LRMDA: variants seen among roughly 807,000 people sequenced by gnomAD.
LRMDA encodes leucine rich melanocyte differentiation associated.
In LRMDA, 18 loss-of-function variants were observed where a neutral mutation model predicts 29.8. The observed-to-expected ratio is 0.60, with a 90% CI of 0.42 to 0.90. The LOEUF is 0.90. Ranked by LOEUF, LRMDA falls within the 40% of genes least tolerant of loss-of-function variation. The pLI, the probability that LRMDA is intolerant of heterozygous loss-of-function variation, is 0.00. For synonymous variants in LRMDA, 125 were observed against 109.4 expected (o/e 1.14, Z -0.89); for missense variants, 273 against 273.9 (o/e 1.00, Z 0.02).
intron 4 of LRMDA, among the ~76,000 whole-genome samples, chr10:76,055,721 C>T (rs548569902): frequency 6.6e-6 from 1 of 152,358 alleles, no homozygotes; most frequent in South Asian, 2.1e-4. Flanking sequence ...TAGACACTGG[C>T]ATGGGCACTA....
At chr10:76,272,876 A>C (rs748952933) in intron 5 of LRMDA, among the ~76,000 whole-genome samples, 3 of 151,958 alleles carry the variant, frequency 2.0e-5, no homozygotes, top group Non-Finnish European at 4.4e-5. Flanking sequence ...AAATCCATCA[A>C]CTCTTACGAG....
chr10:76,041,828 G>T (rs900306505), intron 3 of LRMDA, among the ~76,000 whole-genome samples: 2 of 152,134 alleles, frequency 1.3e-5, no homozygotes, highest in Non-Finnish European at 2.9e-5. Context: ...TAAGTACCCC[G>T]GAGAAGACTT....
At chr10:75,707,704 C>T (rs1390455445) in intron 2 of LRMDA, among the ~76,000 whole-genome samples, 1 of 152,158 alleles carries the variant, frequency 6.6e-6, no homozygotes, top group Non-Finnish European at 1.5e-5. Context: ...AATGGGAAGG[C>T]GGACAGGGCT....
intron 2 of LRMDA, among the ~76,000 whole-genome samples, chr10:75,681,266 C>A (rs1046606349): frequency 2.0e-5 from 3 of 152,182 alleles, no homozygotes; most frequent in African/African-American, 7.2e-5. Flanking sequence ...ATGTTTTGTA[C>A]CATAATCTCA....
intron 2 of LRMDA, among the ~76,000 whole-genome samples, chr10:75,696,513 G>A (rs544823654): frequency 2.0e-5 from 3 of 152,318 alleles, no homozygotes; most frequent in Non-Finnish European, 4.4e-5. Context: ...ATTCACAAAA[G>A]ATACTTATTA....
At position 76,135,770 on chromosome 10, in the gene LRMDA, TC is replaced by T. The variant is rs1188377599; in HGVS notation, c.516+76988del. On this transcript the variant is annotated intron_variant, in intron 5 of 6. Transcript: ENST00000611255. ...TCTGTCCTTGTGTTCAAATTTTCTT[TC>T]TTTTTTTTTTTTTTAAGGACATCAG... Among the ~76,000 whole-genome samples the T allele has an allele frequency of 2.0e-5, 3 of 146,904 alleles. No individual in the cohort carries two copies. The East Asian group carries it at 5.9e-4, about 29-fold the overall frequency.
At chr10:76,115,218 CAAG>C (rs974201799) in intron 5 of LRMDA, among the ~76,000 whole-genome samples, 2 of 152,154 alleles carry the variant, frequency 1.3e-5, no homozygotes, top group African/African-American at 4.8e-5. Context: ...TGATTAAACA[CAAG>C]AAAATACTCC....
At chr10:75,453,886 G>A (rs7912134) in intron 2 of LRMDA, among the ~76,000 whole-genome samples, 119,923 of 152,204 alleles carry the variant, frequency 0.79, 47,659 homozygotes, top group Middle Eastern at 0.86. Flanking sequence ...GTTAGCAAGA[G>A]AAAAGCATAG....
At chr10:75,589,414 A>C (rs968277145) in intron 2 of LRMDA, among the ~76,000 whole-genome samples, 3 of 152,210 alleles carry the variant, frequency 2.0e-5, no homozygotes, top group African/African-American at 7.2e-5. Context: ...TGTGAACTAC[A>C]TGATCATATC....
At chr10:76,322,192 C>T (rs993810891) in intron 5 of LRMDA, among the ~76,000 whole-genome samples, 1 of 152,002 alleles carries the variant, frequency 6.6e-6, no homozygotes, top group Non-Finnish European at 1.5e-5. Context: ...TTTTCTTGTC[C>T]ACTTCTTTCC....
intron 6 of LRMDA, among the ~76,000 whole-genome samples, chr10:76,378,858 C>CTTTTTTTTTTTTTTTTTTCT (rs144037195): frequency 2.5e-5 from 3 of 118,966 alleles, no homozygotes; most frequent in Non-Finnish European, 4.9e-5. Flanking sequence ...CTTTTTTTTT[C>CTTTTTTTTTTTTTTTTTTCT]TTTTTTTTTT....
At chr10:75,811,762 C>T (rs1843964941) in intron 2 of LRMDA, among the ~76,000 whole-genome samples, 1 of 152,180 alleles carries the variant, frequency 6.6e-6, no homozygotes, top group Admixed American at 6.5e-5. Flanking sequence ...GTGGTCCCTC[C>T]TTGGGCCTGG....
At chr10:75,829,841 CTT>C (rs34025294) in intron 2 of LRMDA, among the ~76,000 whole-genome samples, 132 of 89,438 alleles carry the variant, frequency 1.5e-3, no homozygotes, top group South Asian at 4.9e-3. Context: ...GAATAGGCCA[CTT>C]TTTTTTTTTT....
chr10:75,763,507 C>T (rs1332427792), intron 2 of LRMDA, among the ~76,000 whole-genome samples: 2 of 152,146 alleles, frequency 1.3e-5, no homozygotes, highest in African/African-American at 4.8e-5. Flanking sequence ...CATCACAAGC[C>T]TTCAAGGAGT....
chr10:75,899,000 G>A (rs1845628653), intron 2 of LRMDA, among the ~76,000 whole-genome samples: 1 of 152,168 alleles, frequency 6.6e-6, no homozygotes, highest in African/African-American at 2.4e-5. Flanking sequence ...ACAGGTACAT[G>A]CTCTATACCT....
chr10:75,520,860 G>A (rs1845348369), intron 2 of LRMDA, among the ~76,000 whole-genome samples: 1 of 152,064 alleles, frequency 6.6e-6, no homozygotes, highest in Non-Finnish European at 1.5e-5. Context: ...CTACAGATGG[G>A]GTTTTGGTGT....
chr10:76,269,875 A>G (rs1840046770), intron 5 of LRMDA, among the ~76,000 whole-genome samples: 2 of 152,224 alleles, frequency 1.3e-5, no homozygotes. Context: ...CAGGGCTAGG[A>G]CTAGATGTTG....
Position 75,745,132 on chromosome 10 carries a change from C to T in LRMDA, c.132-290876C>T, listed in dbSNP as rs568810921. On this transcript the variant is annotated intron_variant, in intron 2 of 6. Coordinates refer to ENST00000611255, the MANE Select transcript of LRMDA (RefSeq NM_001305581.2). Reference sequence around the variant, plus strand: ...CCAAGCCCACAGAGGTGTGTTAGGTCGAATCATGTGAAAATGCTGTTTTAT... The same window carrying T: ...CCAAGCCCACAGAGGTGTGTTAGGTTGAATCATGTGAAAATGCTGTTTTAT... 9.2e-5 allele frequency among the ~76,000 whole-genome samples: 14 copies of T among 152,224 alleles called. No homozygotes were observed. In the East Asian group the frequency reaches 1.4e-3, roughly 15 times the overall value.
intron 2 of LRMDA, among the ~76,000 whole-genome samples, chr10:75,699,020 G>A (rs1192979267): frequency 6.6e-6 from 1 of 152,094 alleles, no homozygotes; most frequent in African/African-American, 2.4e-5. Flanking sequence ...GGCCAACATA[G>A]TGAAACTCCA....
Sources: gnomAD v4.1 joint callset for allele counts (sites outside exome capture counted in the v4.1 genomes callset) on GRCh38, gnomAD v4.1.1 for gene constraint, MANE v1.5 for transcripts, NCBI Gene and HGNC (gene_info 2026-07-23, HGNC 2026-07-21) for gene names.